The following HSPA12A variants were observed in gnomAD, a reference collection of about 807,000 sequenced individuals.
HSPA12A encodes heat shock 70 kDa protein 12A.
Under a neutral mutation model 69.2 loss-of-function variants are expected in HSPA12A, and 28 were observed. That is an observed-to-expected ratio of 0.40 (90% CI 0.30 to 0.55). HSPA12A has a LOEUF of 0.55. Ranked by LOEUF, HSPA12A falls within the 20% of genes least tolerant of loss-of-function variation. The pLI, the probability that HSPA12A is intolerant of heterozygous loss-of-function variation, is 0.38. For synonymous variants in HSPA12A, 345 were observed against 370.5 expected (o/e 0.93, Z 0.79); for missense variants, 686 against 900.7 (o/e 0.76, Z 3.05).
chr10:116,675,547 G>C lies in HSPA12A; in HGVS notation c.1391-129C>G, dbSNP rs1264869567. The C allele has an allele frequency of 2.2e-6, 2 of 912,980 alleles. No homozygotes were observed. Among genetic ancestry groups the C allele is most frequent in the Non-Finnish European group, 3.3e-6 (2 of 611,610 alleles). The allele number at this position is 912,980 out of a possible 1,614,324, so 56.6% of individuals were successfully genotyped here. A position where few individuals can be genotyped will look rare whatever the true frequency, so the allele number is the denominator to read the frequency against. The stretch of plus-strand genomic sequence containing the variant: ...CACTGGGAGGGCAGGCTTACTCTGA[G>C]CTCCTTGAACAGAATCTTTGCAGAA... On this transcript the variant is annotated intron_variant, in intron 11 of 11. Transcript: ENST00000369209. The surrounding 1 kb of genome is among the most constrained non-coding windows in gnomAD (Gnocchi z 5.2).
intron 1 of HSPA12A, among the ~76,000 whole-genome samples, chr10:116,724,118 G>A (rs1275287342): frequency 6.6e-6 from 1 of 152,070 alleles, no homozygotes; most frequent in East Asian, 1.9e-4. Context: ...CTGGCTGTTT[G>A]ATGTCAGGAA....
At chr10:116,742,591 G>C (rs1163366750), upstream of HSPA12A, 108 of 1,117,004 alleles carry the variant, frequency 9.7e-5, no homozygotes, top group Admixed American at 5.0e-5. Flanking sequence ...CGGGAGCGCT[G>C]CTCTGACGCG....
chr10:116,700,536 G>C (rs1012953129), intron 4 of HSPA12A, among the ~76,000 whole-genome samples: 6 of 152,106 alleles, frequency 3.9e-5, no homozygotes, highest in African/African-American at 1.2e-4. Flanking sequence ...ACTGCCCTGA[G>C]CTCGCCATGT....
intron 2 of HSPA12A, among the ~76,000 whole-genome samples, chr10:116,808,990 G>T (rs1260510326): frequency 1.3e-5 from 2 of 152,150 alleles, no homozygotes; most frequent in Non-Finnish European, 2.9e-5. Flanking sequence ...TCCTTCCACA[G>T]ACTTCTCTTC....
At chr10:116,768,844 G>A (rs1354389900) in intron 2 of HSPA12A, among the ~76,000 whole-genome samples, 1 of 151,996 alleles carries the variant, frequency 6.6e-6, no homozygotes, top group Non-Finnish European at 1.5e-5. Flanking sequence ...ACATCACCCT[G>A]ACTTTGGCCT....
At chr10:116,734,882 C>A (rs1851269355) in intron 1 of HSPA12A, among the ~76,000 whole-genome samples, 2 of 152,048 alleles carry the variant, frequency 1.3e-5, no homozygotes, top group Admixed American at 1.3e-4. Flanking sequence ...GTCCCAGCTA[C>A]TCGGGAGGCT....
At chr10:116,717,297 C>T (rs782271388) in intron 1 of HSPA12A, among the ~76,000 whole-genome samples, 19 of 152,164 alleles carry the variant, frequency 1.2e-4, no homozygotes, top group Middle Eastern at 3.2e-3. Context: ...TCTCTAACTA[C>T]GAGACAGGTG....
At chr10:116,845,308 G>C (rs1448896886) in intron 1 of HSPA12A, among the ~76,000 whole-genome samples, 2 of 152,128 alleles carry the variant, frequency 1.3e-5, no homozygotes, top group Non-Finnish European at 2.9e-5. Flanking sequence ...TTGTTAAAAG[G>C]AGACTTCATA....
chr10:116,716,691 GA>G (rs1423361802), intron 1 of HSPA12A, among the ~76,000 whole-genome samples: 1 of 152,172 alleles, frequency 6.6e-6, no homozygotes, highest in Admixed American at 6.5e-5. Context: ...AGGAACAGAA[GA>G]AAAACAAAAC....
intron 2 of HSPA12A, chr10:116,831,726 GTTT>G (rs1254214311): frequency 1.3e-5 from 2 of 152,160 alleles, no homozygotes; most frequent in Non-Finnish European, 2.9e-5. Flanking sequence ...TCTTCAAAAG[GTTT>G]TTGTTTTAGT....
At chr10:116,828,436 C>T (rs1845551417) in intron 2 of HSPA12A, among the ~76,000 whole-genome samples, 1 of 152,218 alleles carries the variant, frequency 6.6e-6, no homozygotes, top group South Asian at 2.1e-4. Flanking sequence ...CCTACCTCTC[C>T]ATCTCCTTCA....
In HSPA12A at chr10:116,718,706, G is replaced by A. The variant is rs189984375; in HGVS notation, c.41-11421C>T. Among the ~76,000 whole-genome samples, 61 of 152,084 alleles carry A rather than the reference G, an allele frequency of 4.0e-4. 1 individual carries two copies. The South Asian group carries it at 6.2e-3, about 16-fold the overall frequency. On this transcript the variant is annotated intron_variant, in intron 1 of 11. Transcript: ENST00000369209. Reference sequence around the variant, plus strand: ...CTTGAAGGGCTGCACTGCCTAGAGTGGGCCCCTTTTTTTGAATTTTTGCAT... The same window carrying A: ...CTTGAAGGGCTGCACTGCCTAGAGTAGGCCCCTTTTTTTGAATTTTTGCAT...
Position 116,674,846 on chromosome 10 carries a change from C to T in HSPA12A, c.1963G>A (p.Ala655Thr). 1 of 1,613,758 alleles carries T rather than the reference C, an allele frequency of 6.2e-7. No individual in the cohort carries two copies. Among genetic ancestry groups the T allele is most frequent in the South Asian group, 1.1e-5 (1 of 91,078 alleles). ...LMQFGDTEIKATAIDIATSKS... is the reference protein window; with the variant it reads ...LMQFGDTEIKTTAIDIATSKS... ...GAAGTGGCTATATCAATGGCTGTGG[C>T]TTTGATCTCGGTGTCCCCGAACTGC... The change falls in exon 12 of 12, where the codon GCC becomes ACC. Residue 655 changes from alanine to threonine, a missense_variant. By Grantham distance (58) the Ala-to-Thr change is moderately conservative. Coordinates refer to ENST00000369209, the MANE Select transcript of HSPA12A (RefSeq NM_025015.3).
intron 1 of HSPA12A, among the ~76,000 whole-genome samples, chr10:116,737,926 C>T (rs1217603887): frequency 5.3e-5 from 8 of 152,224 alleles, no homozygotes; most frequent in Admixed American, 5.2e-4. Context: ...CCTTGGTCGT[C>T]TCCTCGCTGG....
At chr10:116,676,581 C>T (rs1849244215) in intron 10 of HSPA12A, 79 bp from the exon 11 acceptor site, 7 of 1,112,678 alleles carry the variant, frequency 6.3e-6, no homozygotes, top group Admixed American at 1.8e-5. Flanking sequence ...GACACCTGCC[C>T]TGGCAGAACA....
chr10:116,706,130 C>T lies in HSPA12A; in HGVS notation c.127-852G>A, dbSNP rs537622192. Among the ~76,000 whole-genome samples, 11 of 151,654 alleles carry T rather than the reference C, an allele frequency of 7.3e-5. No individual in the cohort carries two copies. The South Asian group carries it at 8.4e-4, about 12-fold the overall frequency. On this transcript the variant is annotated intron_variant, in intron 2 of 11. Coordinates refer to ENST00000369209, the MANE Select transcript of HSPA12A (RefSeq NM_025015.3). ...CAGGATGGTCTCGATCTCCTGACCT[C>T]GTGATCTGCCCACCTCAGCCTCCCA...
chr10:116,820,475 G>A (rs1311140903), intron 2 of HSPA12A, among the ~76,000 whole-genome samples: 1 of 152,032 alleles, frequency 6.6e-6, no homozygotes, highest in Non-Finnish European at 1.5e-5. Context: ...ATGGTCACAT[G>A]ACCATGACTT....
At chr10:116,836,440 CTCTT>C (rs1382642232) in intron 1 of HSPA12A, among the ~76,000 whole-genome samples, 1 of 152,184 alleles carries the variant, frequency 6.6e-6, no homozygotes, top group South Asian at 2.1e-4. Flanking sequence ...TTCTCCCACT[CTCTT>C]TCTCTCTTTA....
chr10:116,672,469 T>G lies in HSPA12A; in HGVS notation c.*2312A>C, dbSNP rs1589613906. The G allele has an allele frequency of 6.6e-6, 1 of 152,230 alleles. No individual in the cohort carries two copies. The highest frequency in any genetic ancestry group is 6.5e-5 in the Admixed American group (1 of 15,284). 9.4% of individuals were successfully genotyped at this position (152,230 alleles called of 1,614,324 possible). A position where few individuals can be genotyped will look rare whatever the true frequency, so the allele number is the denominator to read the frequency against. Reference sequence around the variant, plus strand: ...CTGATGAGGCTCCTGATCCAGGCGGTCCACGTGCGTTCAGTGTGTTTGGAC... The same window carrying G: ...CTGATGAGGCTCCTGATCCAGGCGGGCCACGTGCGTTCAGTGTGTTTGGAC... On this transcript the variant is annotated 3_prime_UTR_variant, in exon 12 of 12. Transcript: ENST00000369209.
Sources: gnomAD v4.1 joint callset for allele counts (sites outside exome capture counted in the v4.1 genomes callset) on GRCh38, gnomAD v4.1.1 for gene constraint, Gnocchi (gnomAD v3.1) non-coding constraint, MANE v1.5 for transcripts, NCBI Gene and HGNC (gene_info 2026-07-23, HGNC 2026-07-21) for gene names.